SORBS3: variants seen among roughly 807,000 people sequenced by gnomAD.
SORBS3 encodes the protein vinexin.
In SORBS3, 69 loss-of-function variants were observed where a neutral mutation model predicts 98.0. The observed-to-expected ratio is 0.70, with a 90% confidence interval of 0.58 to 0.86. SORBS3 has a LOEUF of 0.86. SORBS3 is among the 40% of genes least tolerant of loss of function. SORBS3 has a pLI of 0.00. For synonymous variants in SORBS3, 394 were observed against 355.4 expected, an observed-to-expected ratio of 1.11 and a Z score of -1.22; for missense variants, 954 against 908.5, an observed-to-expected ratio of 1.05 and a Z score of -0.64.
Position 22,556,857 on chromosome 8 carries a change from C to T in SORBS3, c.363C>T (p.Tyr121=), listed in dbSNP as rs776714890. ...GTCGGGACAAGCGCTGGGTCAAGTACGAGGGAATCGGGCCCGTGGACGAGA... is the reference window on the plus strand; with the variant it reads ...GTCGGGACAAGCGCTGGGTCAAGTATGAGGGAATCGGGCCCGTGGACGAGA... ...SKRRDKRWVK[Y]EGIGPVDESG... The change falls in exon 4 of 21, where the codon TAC becomes TAT. Residue 121 remains tyrosine (Y), a synonymous_variant. Transcript: ENST00000240123. 3.5e-5 allele frequency: 56 copies of T among 1,613,334 alleles called. No individual in the cohort carries two copies. The highest frequency in any genetic ancestry group is 8.3e-5 in the Admixed American group (5 of 60,000).
At chr8:22,548,904 G>A (rs964069796), upstream of SORBS3, among the ~76,000 whole-genome samples, 2 of 152,228 alleles carry the variant, frequency 1.3e-5, no homozygotes, top group South Asian at 2.1e-4. Flanking sequence ...AGAGTGACCC[G>A]CATTCCACCG....
chr8:22,566,138 G>C, intron 12 of SORBS3: 1 of 687,926 alleles, frequency 1.5e-6, no homozygotes, highest in Non-Finnish European at 2.1e-6. Flanking sequence ...CCACGGCCCA[G>C]GCACTCCCGC....
chr8:22,573,691 C>T (rs1055915326), intron 20 of SORBS3, among the ~76,000 whole-genome samples: 3 of 152,074 alleles, frequency 2.0e-5, no homozygotes, highest in African/African-American at 7.2e-5. Flanking sequence ...GGGACGAGCA[C>T]GGGCTGCCCC....
At chr8:22,572,960 C>T (rs1276143432) in intron 20 of SORBS3, among the ~76,000 whole-genome samples, 1 of 152,238 alleles carries the variant, frequency 6.6e-6, no homozygotes, top group Non-Finnish European at 1.5e-5. Flanking sequence ...GACCAACCCA[C>T]CAGGCTTCAC....
chr8:22,554,907 G>T lies in SORBS3; in HGVS notation c.147G>T (p.Gln49His). ...RNGGSNTLNF[Q>H]FHDPAPRTVC... ...GTGGCTCCAACACCCTTAATTTCCAGTTCCACGACCCCGCGCCCAGGACTG... is the reference window on the plus strand; with the variant it reads ...GTGGCTCCAACACCCTTAATTTCCATTTCCACGACCCCGCGCCCAGGACTG... The change falls in exon 3 of 21, where the codon CAG becomes CAT. Residue 49 changes from glutamine to histidine, a missense_variant. Gln to His is a conservative substitution (Grantham distance 24, BLOSUM62 0). Transcript: ENST00000240123. This position sits in a 1 kb window ranked among gnomAD's most constrained non-coding sequence, Gnocchi z 6.5. 6.2e-7 allele frequency: 1 copy of T among 1,612,846 alleles called. No individual in the cohort carries two copies. The highest frequency in any genetic ancestry group is 8.5e-7 in the Non-Finnish European group (1 of 1,179,460).
chr8:22,556,942 G>C, intron 4 of SORBS3, 34 bp downstream of exon 4: 1 of 1,606,850 alleles, frequency 6.2e-7, no homozygotes, highest in Non-Finnish European at 8.5e-7. Flanking sequence ...GGAGAGATGG[G>C]GCCCAGGGAT....
In SORBS3 at chr8:22,571,046, A is replaced by G. The variant is rs776973480; in HGVS notation, c.1568A>G (p.Asp523Gly). ...SREPRLRLCD[D>G]GPQLPTSPRL... ...GAACCCCGGCTCCGGCTCTGTGACG[A>G]CGGCCCCCAGCTCCCCACGTCTCCC... The change falls in exon 18 of 21, where the codon GAC becomes GGC. Residue 523 changes from aspartate (D) to glycine (G), a missense_variant. Physicochemically the swap from Asp to Gly is moderately conservative, Grantham distance 94 (BLOSUM62 -1). Transcript: ENST00000240123. 3.7e-6 allele frequency: 6 copies of G among 1,612,940 alleles called. No homozygotes were observed. Among genetic ancestry groups the G allele is most frequent in the East Asian group, 2.2e-5 (1 of 44,882 alleles).
In SORBS3 at chr8:22,552,017, G is replaced by T. The variant is rs1007385292; in HGVS notation, c.-61G>T. Reference sequence around the variant, plus strand: ...CTCGGGCCCAGCCACCTGCTCGCCGGGGAAGGTAGGTCCGGGCAAGGAGGG... The same window carrying T: ...CTCGGGCCCAGCCACCTGCTCGCCGTGGAAGGTAGGTCCGGGCAAGGAGGG... On this transcript the variant is annotated 5_prime_UTR_variant, in exon 1 of 21. Coordinates refer to ENST00000240123, the MANE Select transcript of SORBS3 (RefSeq NM_005775.5). 30 of 984,996 alleles carry T rather than the reference G, an allele frequency of 3.0e-5. No homozygotes were observed. Among genetic ancestry groups the T allele is most frequent in the Non-Finnish European group, 2.5e-5 (21 of 829,898 alleles). 61.0% of individuals were successfully genotyped at this position (984,996 alleles called of 1,614,324 possible). A position where few individuals can be genotyped will look rare whatever the true frequency, so the allele number is the denominator to read the frequency against.
chr8:22,565,451 A>T, intron 11 of SORBS3, 97 bp downstream of exon 11: 1 of 985,512 alleles, frequency 1.0e-6, no homozygotes, highest in Non-Finnish European at 1.4e-6. Context: ...GAGGACGGGC[A>T]GCCGAGGTCC....
chr8:22,545,746 C>T (rs1454109412), intron 1 of SORBS3, among the ~76,000 whole-genome samples: 2 of 152,238 alleles, frequency 1.3e-5, no homozygotes, highest in Non-Finnish European at 2.9e-5. Context: ...GCCCACATTC[C>T]TTCACTCCCT....
At chr8:22,569,629 C>T (rs1263887808) in intron 17 of SORBS3, among the ~76,000 whole-genome samples, 1 of 152,200 alleles carries the variant, frequency 6.6e-6, no homozygotes, top group African/African-American at 2.4e-5. Context: ...TGAGCCACCG[C>T]GCCTGGCCTA....
At chr8:22,551,006 G>A (rs1299824088), upstream of SORBS3, among the ~76,000 whole-genome samples, 1 of 152,212 alleles carries the variant, frequency 6.6e-6, no homozygotes, top group Non-Finnish European at 1.5e-5. This position sits in a 1 kb window ranked among gnomAD's most constrained non-coding sequence, Gnocchi z 5.8. Flanking sequence ...GAATGGATGG[G>A]GAGCCGGAAG....
In SORBS3 at chr8:22,554,495, C is replaced by T. The variant is rs774152106; in HGVS notation, c.-12C>T. 1.5e-5 allele frequency: 24 copies of T among 1,608,348 alleles called. No homozygotes were observed. The African/African-American group carries it at 2.1e-4, about 14-fold the overall frequency. ...GCTGGCTTGCCCGGAGTCCTCCCACCTTGACCCAAGCATGCAGGGCCCACC... is the reference window on the plus strand; with the variant it reads ...GCTGGCTTGCCCGGAGTCCTCCCACTTTGACCCAAGCATGCAGGGCCCACC... On this transcript the variant is annotated 5_prime_UTR_variant, in exon 2 of 21. Transcript: ENST00000240123. The surrounding 1 kb of genome is among the most constrained non-coding windows in gnomAD (Gnocchi z 6.5).
chr8:22,546,389 G>T (rs1367161285), intron 1 of SORBS3, among the ~76,000 whole-genome samples: 2 of 152,158 alleles, frequency 1.3e-5, no homozygotes, highest in East Asian at 3.9e-4. Context: ...GGTCTCTGAT[G>T]ATAACAAGGA....
Position 22,554,400 on chromosome 8 carries a change from C to T in SORBS3, c.-55-52C>T, listed in dbSNP as rs534070850. ...CTATCCCAGGGTCGAGCCAAGAGGG[C>T]ATGGGCAGCCTAGCCTAGCAGGGCT... On this transcript the variant is annotated intron_variant, in intron 1 of 20. Transcript: ENST00000240123. The surrounding 1 kb of genome is among the most constrained non-coding windows in gnomAD (Gnocchi z 6.5). 2.2e-4 allele frequency: 332 copies of T among 1,500,924 alleles called. No homozygotes were observed. The African/African-American group carries it at 4.4e-3, about 20-fold the overall frequency. The allele number at this position is 1,500,924 out of a possible 1,614,324, so 93.0% of individuals were successfully genotyped here.
chr8:22,552,889 T>C (rs929636442), intron 1 of SORBS3, among the ~76,000 whole-genome samples: 10 of 152,128 alleles, frequency 6.6e-5, no homozygotes, highest in Non-Finnish European at 1.2e-4. Context: ...GGAGTCCTAA[T>C]TGGACCCAGC....
In SORBS3 at chr8:22,554,548, G is replaced by A. The variant is rs747870516; in HGVS notation, c.42G>A (p.Leu14=). The change falls in exon 2 of 21, where the codon CTG becomes CTA. Residue 14 remains leucine, a synonymous_variant. Coordinates refer to ENST00000240123, the MANE Select transcript of SORBS3 (RefSeq NM_005775.5). This position sits in a 1 kb window ranked among gnomAD's most constrained non-coding sequence, Gnocchi z 6.5. The part of the protein sequence containing the change: ...PPRSLRAGLS[L]DDFIPGHLQS... ...GCAGCCTCCGCGCTGGGCTCAGCCTGGACGACTTCATCCCTGGCCACCTCC... is the reference window on the plus strand; with the variant it reads ...GCAGCCTCCGCGCTGGGCTCAGCCTAGACGACTTCATCCCTGGCCACCTCC... 6.2e-7 allele frequency: 1 copy of A among 1,612,958 alleles called. No individual in the cohort carries two copies. The highest frequency in any genetic ancestry group is 2.2e-5 in the East Asian group (1 of 44,878).
upstream of SORBS3, among the ~76,000 whole-genome samples, chr8:22,550,415 C>G (rs1256472963): frequency 6.6e-6 from 1 of 152,220 alleles, no homozygotes; most frequent in African/African-American, 2.4e-5. Flanking sequence ...AAGCCTTGGA[C>G]CTGCTTCCCT....
chr8:22,558,023 G>T (rs944095977), intron 4 of SORBS3, 106 bp from the exon 5 acceptor site: 2 of 1,034,212 alleles, frequency 1.9e-6, no homozygotes, highest in Non-Finnish European at 3.1e-6. Context: ...CCTATGGGGG[G>T]TTCAGGGATG....
Sources: allele counts gnomAD v4.1 joint callset (sites outside exome capture counted in the v4.1 genomes callset), GRCh38; gene constraint gnomAD v4.1.1; non-coding constraint Gnocchi (gnomAD v3.1); transcripts MANE v1.5; gene names NCBI Gene and HGNC (gene_info 2026-07-23, HGNC 2026-07-21).